RBMS3: variants seen among roughly 807,000 people sequenced by gnomAD.
The protein encoded by RBMS3 is RNA binding motif single stranded interacting protein 3.
A neutral mutation model predicts 66.8 loss-of-function variants in RBMS3; 27 were observed. The observed-to-expected ratio is 0.40, with a 90% CI of 0.30 to 0.56. The LOEUF is 0.56. RBMS3 is among the 20% of genes least tolerant of loss of function. The pLI is 0.40. For missense variants in RBMS3, 513 were observed against 549.5 expected (o/e 0.93, Z 0.66); for synonymous variants, 188 against 183.0 (o/e 1.03, Z -0.22).
chr3:29,743,833 A>G (rs1347883696), intron 5 of RBMS3, among the ~76,000 whole-genome samples: 9 of 149,524 alleles, frequency 6.0e-5, no homozygotes, highest in Admixed American at 1.3e-4. Flanking sequence ...CCATGTTGGT[A>G]TGCTGCACCC....
At chr3:29,412,667 T>C (rs2040313493) in intron 1 of RBMS3, among the ~76,000 whole-genome samples, 1 of 152,188 alleles carries the variant, frequency 6.6e-6, no homozygotes, top group Non-Finnish European at 1.5e-5. Flanking sequence ...ATGTAAGTGC[T>C]GAGAATCAGA....
intron 4 of RBMS3, among the ~76,000 whole-genome samples, chr3:29,614,128 A>T (rs929143556): frequency 7.2e-5 from 11 of 152,150 alleles, no homozygotes; most frequent in African/African-American, 2.7e-4. Flanking sequence ...TACACAGTGG[A>T]ATACTATTCA....
chr3:29,380,571 A>G (rs1183135546), intron 1 of RBMS3, among the ~76,000 whole-genome samples: 2 of 152,186 alleles, frequency 1.3e-5, no homozygotes, highest in Non-Finnish European at 2.9e-5. Flanking sequence ...TTGTTTTGTT[A>G]CCATTTCATA....
At chr3:29,697,658 T>C (rs2052341654) in intron 4 of RBMS3, among the ~76,000 whole-genome samples, 1 of 152,240 alleles carries the variant, frequency 6.6e-6, no homozygotes. Context: ...ATTCTGGGTA[T>C]GGGACCCATG....
Position 29,434,765 on chromosome 3 carries a change from A to G in RBMS3, c.98A>G (p.His33Arg). The G allele has an allele frequency of 6.2e-7, 1 of 1,613,692 alleles. No individual in the cohort carries two copies. Among genetic ancestry groups the G allele is most frequent in the Non-Finnish European group, 8.5e-7 (1 of 1,179,846 alleles). The change falls in exon 2 of 15, where the codon CAC (histidine) becomes CGC (arginine). Residue 33 changes from histidine (H) to arginine (R), a missense_variant. Transcript: ENST00000383767. ...CAGCAGTCCTATGCACCAGCTCCCC[A>G]CCCCATGGCTCCTCCCAGCCCCAGC... ...QTKQSYAPAPHPMAPPSPSTN... is the reference protein window; with the variant it reads ...QTKQSYAPAPRPMAPPSPSTN...
At chr3:29,705,958 C>G (rs1195891233) in intron 4 of RBMS3, among the ~76,000 whole-genome samples, 45 of 152,142 alleles carry the variant, frequency 3.0e-4, no homozygotes, top group Admixed American at 2.9e-3. Context: ...TATTATTCAA[C>G]AAAACAGCAG....
intron 3 of RBMS3, among the ~76,000 whole-genome samples, chr3:29,522,877 G>C (rs773626): frequency 0.6 from 90,628 of 151,902 alleles, 28,075 homozygotes; most frequent in African/African-American, 0.76. Flanking sequence ...TTGTGGAGCT[G>C]TCATTTAGAG....
chr3:29,911,417 G>C (rs1169803579), intron 10 of RBMS3, among the ~76,000 whole-genome samples: 2 of 152,018 alleles, frequency 1.3e-5, no homozygotes, highest in Non-Finnish European at 2.9e-5. Context: ...GATTAGGGCT[G>C]TTGTCCTATA....
intron 3 of RBMS3, among the ~76,000 whole-genome samples, chr3:29,562,415 A>C (rs2046589336): frequency 6.6e-6 from 1 of 152,106 alleles, no homozygotes; most frequent in South Asian, 2.1e-4. Flanking sequence ...TGCATTTAAA[A>C]ATTTTAAAAA....
chr3:29,724,607 A>G (rs560896542), intron 4 of RBMS3, among the ~76,000 whole-genome samples: 4 of 152,292 alleles, frequency 2.6e-5, no homozygotes, highest in African/African-American at 9.6e-5. Context: ...ATGGAAGTAT[A>G]TAGTTATACA....
intron 1 of RBMS3, among the ~76,000 whole-genome samples, chr3:29,366,527 T>C (rs558181671): frequency 1.3e-5 from 2 of 150,852 alleles, no homozygotes; most frequent in East Asian, 3.9e-4. Flanking sequence ...ACTACAGCTA[T>C]GAGCCACCAG....
At chr3:29,869,162 C>A (rs1292422404) in intron 7 of RBMS3, among the ~76,000 whole-genome samples, 198 bp downstream of exon 7, 1 of 152,126 alleles carries the variant, frequency 6.6e-6, no homozygotes, top group Admixed American at 6.6e-5. Flanking sequence ...AATTTAACCT[C>A]AGTTCTGCAC....
intron 4 of RBMS3, among the ~76,000 whole-genome samples, chr3:29,716,225 G>A (rs138637554): frequency 1.3e-5 from 2 of 152,208 alleles, no homozygotes; most frequent in Admixed American, 6.5e-5. Flanking sequence ...TGCTAGAAAT[G>A]CATCCTTTAG....
At chr3:29,414,228 A>G (rs1171565807) in intron 1 of RBMS3, among the ~76,000 whole-genome samples, 1 of 152,220 alleles carries the variant, frequency 6.6e-6, no homozygotes, top group African/African-American at 2.4e-5. Context: ...CTTGAACTGC[A>G]ATCAAATAAA....
intron 6 of RBMS3, among the ~76,000 whole-genome samples, chr3:29,769,111 T>C (rs1410325937): frequency 1.3e-5 from 2 of 151,800 alleles, no homozygotes; most frequent in Non-Finnish European, 2.9e-5. Context: ...AATCCCATAG[T>C]AGGGTTAATG....
At chr3:29,612,150 A>T (rs1372573881) in intron 4 of RBMS3, among the ~76,000 whole-genome samples, 1 of 152,104 alleles carries the variant, frequency 6.6e-6, no homozygotes, top group Non-Finnish European at 1.5e-5. Context: ...GACCAAAGTT[A>T]ACTATTGATT....
At chr3:29,578,963 G>A (rs552616092) in intron 3 of RBMS3, among the ~76,000 whole-genome samples, 4 of 144,432 alleles carry the variant, frequency 2.8e-5, no homozygotes, top group African/African-American at 1.1e-4. Context: ...CACCGCGCCC[G>A]GCTAATTTTT....
At chr3:29,452,605 T>C (rs2042051573) in intron 2 of RBMS3, among the ~76,000 whole-genome samples, 1 of 152,166 alleles carries the variant, frequency 6.6e-6, no homozygotes, top group South Asian at 2.1e-4. Context: ...TTGAAACCAG[T>C]CCAGGAAAGC....
chr3:29,970,740 T>G (rs909829605), intron 12 of RBMS3, among the ~76,000 whole-genome samples: 4 of 152,186 alleles, frequency 2.6e-5, no homozygotes, highest in African/African-American at 9.7e-5. Flanking sequence ...CTCTTTATTC[T>G]AGGTTGATTT....
Sources: gnomAD v4.1 joint callset for allele counts (sites outside exome capture counted in the v4.1 genomes callset) on GRCh38, gnomAD v4.1.1 for gene constraint, MANE v1.5 for transcripts, NCBI Gene and HGNC (gene_info 2026-07-23, HGNC 2026-07-21) for gene names.